The following CENPC variants were observed in gnomAD, a reference collection of about 807,000 sequenced individuals.
CENPC encodes centromere protein C.
CENPC carries 63 observed loss-of-function variants against 112.1 expected under a neutral mutation model. The observed-to-expected ratio is 0.56, with a 90% CI of 0.46 to 0.69. The LOEUF is 0.69. CENPC is among the 30% of genes least tolerant of loss of function. The pLI is 0.00. For synonymous variants in CENPC, 333 were observed against 367.6 expected, an observed-to-expected ratio of 0.91 and a Z score of 1.08; for missense variants, 1,000 against 1,103.8, an observed-to-expected ratio of 0.91 and a Z score of 1.33.
At chr4:67,525,821 G>A (rs191493568) in intron 5 of CENPC, among the ~76,000 whole-genome samples, 74 of 152,298 alleles carry the variant, frequency 4.9e-4, no homozygotes, top group Non-Finnish European at 8.5e-4. Context: ...CCATCACTGG[G>A]TATGTACCCA....
Position 67,512,690 on chromosome 4 carries a change from C to T in CENPC, c.1445-121G>A, listed in dbSNP as rs2109802659. On this transcript the variant is annotated intron_variant, in intron 8 of 18. Transcript: ENST00000273853. The stretch of plus-strand genomic sequence containing the variant: ...TCTTAAATTTATCCTGTGGCCTTTT[C>T]ATCTCCATTTTTAAAAGTCACATGT... 4.7e-6 allele frequency: 3 copies of T among 640,110 alleles called. No individual in the cohort carries two copies. The East Asian group carries it at 9.1e-5, about 19-fold the overall frequency. 39.7% of individuals were successfully genotyped at this position (640,110 alleles called of 1,614,324 possible).
Position 67,508,813 on chromosome 4 carries a change from C to T in CENPC, c.1904+1G>A. 1 of 1,612,558 alleles carries T rather than the reference C, an allele frequency of 6.2e-7. No homozygotes were observed. Among genetic ancestry groups the T allele is most frequent in the Non-Finnish European group, 8.5e-7 (1 of 1,179,210 alleles). ...TATATTGTACACATAACAGACATTA[C>T]CTAGAACAATCAAGATTTTTCTTCT... On this transcript the variant is annotated splice_donor_variant, in intron 10 of 18. Coordinates refer to ENST00000273853, the MANE Select transcript of CENPC (RefSeq NM_001812.4). LOFTEE classifies it high-confidence loss of function.
At chr4:67,520,526 AACCCAGGACCAGCAGCTTC>A (rs1726193846) in intron 5 of CENPC, among the ~76,000 whole-genome samples, 1 of 152,130 alleles carries the variant, frequency 6.6e-6, no homozygotes, top group South Asian at 2.1e-4. Context: ...GATATAAGGA[AACCCAGGACCAGCAGCTTC>A]TAACCAGAAC....
In CENPC at chr4:67,472,581, A is replaced by G. The variant is rs1724697209; in HGVS notation, c.*24T>C. 1.2e-5 allele frequency: 17 copies of G among 1,464,192 alleles called. No individual in the cohort carries two copies. The highest frequency in any genetic ancestry group is 1.4e-5 in the African/African-American group (1 of 69,384). 90.7% of individuals were successfully genotyped at this position (1,464,192 alleles called of 1,614,324 possible). A position where few individuals can be genotyped will look rare whatever the true frequency, so the allele number is the denominator to read the frequency against. ...TTTTCACATATACATATATACATACATATATTTAAGGTTGGTTGATCTTTC... is the reference window on the plus strand; with the variant it reads ...TTTTCACATATACATATATACATACGTATATTTAAGGTTGGTTGATCTTTC... On this transcript the variant is annotated 3_prime_UTR_variant, in exon 19 of 19. Coordinates refer to ENST00000273853, the MANE Select transcript of CENPC (RefSeq NM_001812.4).
Position 67,509,029 on chromosome 4 carries a change from T to C in CENPC, c.1689A>G (p.Lys563=). ...HHNSSRKSTK[K]TNQSSKNIRK... ...TAATATTCTTAGATGACTGATTTGT[T>C]TTCTTAGTAGATTTTCGGCTACTAT... Residue 563 remains lysine, a synonymous_variant, in exon 10 of 19, where the codon AAA becomes AAG. Transcript: ENST00000273853. 1 of 1,612,922 alleles carries C rather than the reference T, an allele frequency of 6.2e-7. No individual in the cohort carries two copies. The highest frequency in any genetic ancestry group is 8.5e-7 in the Non-Finnish European group (1 of 1,179,486).
chr4:67,544,806 A>T (rs943819476), intron 1 of CENPC, among the ~76,000 whole-genome samples: 1 of 152,182 alleles, frequency 6.6e-6, no homozygotes, highest in African/African-American at 2.4e-5. Flanking sequence ...AACTGCATAA[A>T]AGGCCACCAT....
In CENPC at chr4:67,529,394, C is replaced by T. The variant is rs994818826; in HGVS notation, c.331+1421G>A. 2.6e-5 allele frequency among the ~76,000 whole-genome samples: 4 copies of T among 152,150 alleles called. No homozygotes were observed. The East Asian group carries it at 5.8e-4, about 22-fold the overall frequency. On this transcript the variant is annotated intron_variant, in intron 5 of 18. Coordinates refer to ENST00000273853, the MANE Select transcript of CENPC (RefSeq NM_001812.4). ...GGCTGGAGTGCAGTGGCGCAATCTT[C>T]GGCTCACTGCAACCTCCAGCTCCTA...
chr4:67,482,546 T>C (rs1480054623), intron 17 of CENPC, among the ~76,000 whole-genome samples: 4 of 152,194 alleles, frequency 2.6e-5, no homozygotes, highest in Non-Finnish European at 4.4e-5. Flanking sequence ...ACATGTACCA[T>C]AGAATAGTAC....
At position 67,472,189 on chromosome 4, in the gene CENPC, A is replaced by G. The variant is rs572243393; in HGVS notation, c.*416T>C. 3.3e-5 allele frequency: 5 copies of G among 152,790 alleles called. No homozygotes were observed. The highest frequency in any genetic ancestry group is 1.2e-4 in the African/African-American group (5 of 41,600). 9.5% of individuals were successfully genotyped at this position (152,790 alleles called of 1,614,324 possible). A position where few individuals can be genotyped will look rare whatever the true frequency, so the allele number is the denominator to read the frequency against. On this transcript the variant is annotated 3_prime_UTR_variant, in exon 19 of 19. Transcript: ENST00000273853. ...CACTCATTTTGTGGTATTTTGTTAC[A>G]GCAGTTCTAGGAAATTAATACAAAC... is the stretch of plus-strand genomic sequence containing the variant.
At chr4:67,524,594 GAAAAT>G (rs1338897237) in intron 5 of CENPC, among the ~76,000 whole-genome samples, 1 of 152,056 alleles carries the variant, frequency 6.6e-6, no homozygotes, top group Non-Finnish European at 1.5e-5. Flanking sequence ...CTGCTACAGA[GAAAAT>G]AAAATACCTA....
chr4:67,511,682 G>C (rs1725895529), intron 9 of CENPC, among the ~76,000 whole-genome samples: 1 of 152,130 alleles, frequency 6.6e-6, no homozygotes, highest in South Asian at 2.1e-4. Context: ...TGTAGTACTT[G>C]CTAGATAGAG....
intron 12 of CENPC, among the ~76,000 whole-genome samples, chr4:67,503,356 CTT>C (rs1725644859): frequency 6.6e-6 from 1 of 152,142 alleles, no homozygotes; most frequent in Non-Finnish European, 1.5e-5. Context: ...CTCTTCAAAT[CTT>C]TGCTCAAATG....
intron 17 of CENPC, among the ~76,000 whole-genome samples, chr4:67,479,687 A>T (rs1379331111): frequency 1.3e-5 from 2 of 152,140 alleles, no homozygotes; most frequent in African/African-American, 4.8e-5. Context: ...AACAAACAAA[A>T]CCTAAACCCA....
chr4:67,507,680 AC>A (rs1411932875), intron 10 of CENPC, among the ~76,000 whole-genome samples: 2 of 152,154 alleles, frequency 1.3e-5, no homozygotes, highest in Non-Finnish European at 2.9e-5. Flanking sequence ...AAAGAGAATT[AC>A]GACAAATTAT....
At chr4:67,498,545 A>G (rs1323440014) in intron 12 of CENPC, among the ~76,000 whole-genome samples, 13 of 152,340 alleles carry the variant, frequency 8.5e-5, no homozygotes, top group Non-Finnish European at 1.5e-4. Context: ...TGTCATTTCA[A>G]GGGTTCACAA....
Position 67,534,681 on chromosome 4 carries a change from G to A in CENPC, c.232-3767C>T, listed in dbSNP as rs183148610. 9.2e-5 allele frequency among the ~76,000 whole-genome samples: 14 copies of A among 152,308 alleles called. 1 individual carries two copies. The East Asian group carries it at 2.7e-3, about 29-fold the overall frequency. ...TTGTCAGAAATACTTACTAGGCCAA[G>A]AGAAAAGAAATCTACAGATATTAAC... On this transcript the variant is annotated intron_variant, in intron 4 of 18. Transcript: ENST00000273853.
intron 12 of CENPC, among the ~76,000 whole-genome samples, chr4:67,504,510 A>C (rs993477565): frequency 2.6e-5 from 4 of 152,190 alleles, no homozygotes; most frequent in Non-Finnish European, 5.9e-5. Flanking sequence ...GCATCTTTAA[A>C]CTTCAGTATG....
intron 17 of CENPC, among the ~76,000 whole-genome samples, chr4:67,477,329 G>C (rs1374894043): frequency 6.6e-6 from 1 of 152,224 alleles, no homozygotes; most frequent in African/African-American, 2.4e-5. Context: ...CACTGGAGCA[G>C]CTGCTGAGAT....
intron 16 of CENPC, among the ~76,000 whole-genome samples, chr4:67,491,525 A>AGAGAGAGC (rs1553893257): frequency 2.3e-5 from 3 of 130,088 alleles, no homozygotes; most frequent in African/African-American, 5.7e-5. Flanking sequence ...AGAGAGAGAG[A>AGAGAGAGC]GAGCCTGGTT....
Sources: gnomAD v4.1 joint callset for allele counts (sites outside exome capture counted in the v4.1 genomes callset) on GRCh38, gnomAD v4.1.1 for gene constraint, MANE v1.5 for transcripts, NCBI Gene and HGNC (gene_info 2026-07-23, HGNC 2026-07-21) for gene names.